GARIN1A: variants seen among roughly 807,000 people sequenced by gnomAD.
GARIN1A encodes golgi associated RAB2 interactor 1A, also known as Golgi-associated RAB2 interactor protein 1A.
chr7:128,695,766 A>G, the GARIN1A span, among the ~76,000 whole-genome samples: 1 of 151,862 alleles, frequency 6.6e-6, no homozygotes, highest in Non-Finnish European at 1.5e-5. The surrounding 1 kb of genome is among the most constrained non-coding windows in gnomAD (Gnocchi z 4.5). Flanking sequence ...CTGGTCTTGA[A>G]CACCTGGCCT....
chr7:128,699,269 C>CA, the GARIN1A span, among the ~76,000 whole-genome samples: 4 of 143,462 alleles, frequency 2.8e-5, no homozygotes, highest in Non-Finnish European at 6.3e-5. Context: ...TGCCCCCCCC[C>CA]CCCCACCACC....
the GARIN1A span, among the ~76,000 whole-genome samples, chr7:128,698,784 G>A: frequency 2.6e-5 from 4 of 152,116 alleles, no homozygotes; most frequent in South Asian, 2.1e-4. Context: ...GGGTTTTGCT[G>A]TGTTGGGGGG....
chr7:128,694,549 G>C, the GARIN1A span, among the ~76,000 whole-genome samples: 2 of 151,220 alleles, frequency 1.3e-5, no homozygotes, highest in Non-Finnish European at 3.0e-5. Flanking sequence ...AAAAAAGAAA[G>C]AAAGAAAGAA....
At chr7:128,673,948 C>T in the GARIN1A span, among the ~76,000 whole-genome samples, 1 of 152,014 alleles carries the variant, frequency 6.6e-6, no homozygotes, top group Non-Finnish European at 1.5e-5. Context: ...CACTCCGTTG[C>T]CCTGGCATGG....
chr7:128,679,970 C>G, the GARIN1A span: 20 of 991,400 alleles, frequency 2.0e-5, no homozygotes, highest in Admixed American at 1.6e-4. Context: ...AGTTCTACCC[C>G]GAGGAGGCCA....
the GARIN1A span, among the ~76,000 whole-genome samples, chr7:128,679,343 C>CCAT: frequency 6.6e-6 from 1 of 152,054 alleles, no homozygotes; most frequent in African/African-American, 2.4e-5. Flanking sequence ...CAAGTGTGCG[C>CCAT]CACCACGCCC....
At chr7:128,692,796 G>A in the GARIN1A span, among the ~76,000 whole-genome samples, 1 of 152,228 alleles carries the variant, frequency 6.6e-6, no homozygotes, top group Non-Finnish European at 1.5e-5. Flanking sequence ...CTGGGAGCAT[G>A]AATGTATAGA....
chr7:128,672,521 T>A, the GARIN1A span: 1 of 1,610,404 alleles, frequency 6.2e-7, no homozygotes, highest in Non-Finnish European at 8.5e-7. Context: ...GTTCTCCAAC[T>A]CGGTGGTGTT....
chr7:128,690,835 G>C, the GARIN1A span: 3 of 152,144 alleles, frequency 2.0e-5, no homozygotes, highest in Non-Finnish European at 4.4e-5. Flanking sequence ...AATGACAGGA[G>C]AACAGCAGCC....
the GARIN1A span, chr7:128,675,675 G>T: frequency 5.6e-6 from 9 of 1,613,344 alleles, no homozygotes; most frequent in South Asian, 9.9e-5. Flanking sequence ...TGATTTCCAG[G>T]TCACTAAGCC....
chr7:128,672,532 T>C, the GARIN1A span: 1 of 1,609,900 alleles, frequency 6.2e-7, no homozygotes, highest in African/African-American at 1.3e-5. Context: ...CGGTGGTGTT[T>C]GAAAGCAACT....
the GARIN1A span, among the ~76,000 whole-genome samples, chr7:128,703,215 A>T: frequency 6.6e-6 from 1 of 152,248 alleles, no homozygotes; most frequent in Non-Finnish European, 1.5e-5. Flanking sequence ...TTTATTGAAC[A>T]TGCTATTCAA....
the GARIN1A span, among the ~76,000 whole-genome samples, chr7:128,695,625 C>T: frequency 3.3e-5 from 5 of 152,036 alleles, no homozygotes; most frequent in Non-Finnish European, 7.4e-5. The surrounding 1 kb of genome is among the most constrained non-coding windows in gnomAD (Gnocchi z 4.5). Flanking sequence ...ACTGCAGCCT[C>T]GTCCTCCCAG....
At chr7:128,708,217 A>T in the GARIN1A span, among the ~76,000 whole-genome samples, 1 of 146,106 alleles carries the variant, frequency 6.8e-6, no homozygotes, top group African/African-American at 2.5e-5. Context: ...AGTAGAGACA[A>T]GTTCTCACTA....
chr7:128,698,978 G>A, the GARIN1A span, among the ~76,000 whole-genome samples: 1 of 152,140 alleles, frequency 6.6e-6, no homozygotes, highest in Non-Finnish European at 1.5e-5. Context: ...AACATCCTGT[G>A]TCAGCTAACT....
the GARIN1A span, among the ~76,000 whole-genome samples, chr7:128,700,849 C>T: frequency 7.9e-4 from 120 of 151,978 alleles, no homozygotes; most frequent in African/African-American, 2.7e-3. Flanking sequence ...CACACACACA[C>T]GATGCACTAC....
the GARIN1A span, among the ~76,000 whole-genome samples, chr7:128,680,659 G>T: frequency 2.0e-5 from 3 of 151,646 alleles, no homozygotes; most frequent in African/African-American, 7.3e-5. Context: ...CCACCTCCTG[G>T]GTTCAAGCGA....
chr7:128,671,961 G>T, the GARIN1A span, among the ~76,000 whole-genome samples: 2 of 152,166 alleles, frequency 1.3e-5, no homozygotes, highest in African/African-American at 4.8e-5. Flanking sequence ...TTGGTGAGGG[G>T]CTTCAAGGGG....
chr7:128,688,499 T>C, the GARIN1A span, among the ~76,000 whole-genome samples: 2 of 152,182 alleles, frequency 1.3e-5, no homozygotes. Context: ...CAGTAGTAGT[T>C]GTCATTTCTT....
Sources: gnomAD v4.1 joint callset for allele counts (sites outside exome capture counted in the v4.1 genomes callset) on GRCh38, gnomAD v4.1.1 for gene constraint, Gnocchi (gnomAD v3.1) non-coding constraint, MANE v1.5 for transcripts, NCBI Gene and HGNC (gene_info 2026-07-23, HGNC 2026-07-21) for gene names.